The following EP400 variants were observed in gnomAD, a reference collection of about 807,000 sequenced individuals.
EP400 encodes the protein E1A-binding protein p400.
In EP400, 105 loss-of-function variants were observed where a neutral mutation model predicts 354.1. The ratio of observed to expected loss-of-function variants is 0.30; its 90% CI spans 0.25 to 0.35. The LOEUF (loss-of-function observed/expected upper bound fraction) is 0.35, where lower values mean the gene tolerates loss of function less well. Ranked by LOEUF, EP400 falls within the 10% of genes least tolerant of loss-of-function variation. EP400 has a pLI of 1.00. For synonymous variants in EP400, 1,646 were observed against 1,716.9 expected, an observed-to-expected ratio of 0.96 and a Z score of 1.02; for missense variants, 3,280 against 4,121.0, an observed-to-expected ratio of 0.80 and a Z score of 5.59.
chr12:131,959,906 G>A (rs1288565460), intron 1 of EP400, among the ~76,000 whole-genome samples: 1 of 152,222 alleles, frequency 6.6e-6, no homozygotes, highest in African/African-American at 2.4e-5. Context: ...ACACACAAAT[G>A]GGGCTCTGTG....
Position 132,077,899 on chromosome 12 carries a change from G to T in EP400, c.*226G>T. Reference sequence around the variant, plus strand: ...GTACTACGTGGCTCATGGAAAAAGTGACAACATGGCTTCCTCTAAATCATT... The same window carrying T: ...GTACTACGTGGCTCATGGAAAAAGTTACAACATGGCTTCCTCTAAATCATT... On this transcript the variant is annotated 3_prime_UTR_variant, in exon 53 of 53. Transcript: ENST00000389561. The T allele has an allele frequency of 3.4e-6, 2 of 587,596 alleles. No individual in the cohort carries two copies. The highest frequency in any genetic ancestry group is 4.5e-4 in the Middle Eastern group (1 of 2,200). The allele number at this position is 587,596 out of a possible 1,614,324, so 36.4% of individuals were successfully genotyped here.
chr12:132,038,023 A>G lies in EP400; in HGVS notation c.6134A>G (p.Glu2045Gly). The G allele has an allele frequency of 1.2e-6, 2 of 1,614,202 alleles. No homozygotes were observed. The highest frequency in any genetic ancestry group is 1.7e-6 in the Non-Finnish European group (2 of 1,180,030). The change falls in exon 32 of 53, where the codon GAG becomes GGG. Residue 2045 changes from glutamate to glycine, a missense_variant. Glu to Gly is a moderately conservative substitution (Grantham distance 98). Coordinates refer to ENST00000389561, the MANE Select transcript of EP400 (RefSeq NM_015409.5). The surrounding 1 kb of genome is among the most constrained non-coding windows in gnomAD (Gnocchi z 4.2). Reference sequence around the variant, plus strand: ...GCTGGCTTCCCGGTCAAAGCTGAGGAGTTTGTGGTGCTTTCTCAGGAACCT... The same window carrying G: ...GCTGGCTTCCCGGTCAAAGCTGAGGGGTTTGTGGTGCTTTCTCAGGAACCT... ...DDAGFPVKAE[E>G]FVVLSQEPSV... is the part of the protein sequence containing the mutation.
chr12:131,950,155 G>C (rs940559898), intron 1 of EP400, 119 bp downstream of exon 1: 2 of 151,872 alleles, frequency 1.3e-5, no homozygotes, highest in Non-Finnish European at 1.5e-5. Flanking sequence ...GGCCGGCCTC[G>C]GGCGTCGCGT....
chr12:132,007,145 G>A (rs111663222), intron 15 of EP400, among the ~76,000 whole-genome samples: 1 of 152,352 alleles, frequency 6.6e-6, no homozygotes, highest in African/African-American at 2.4e-5. Context: ...CCAGGGTCAG[G>A]TCACTGTGCA....
chr12:131,981,654 C>A, intron 4 of EP400, 58 bp downstream of exon 4: 2 of 1,437,018 alleles, frequency 1.4e-6, no homozygotes, highest in South Asian at 1.2e-5. Context: ...CACTGCGGTT[C>A]CAGAAACCAG....
chr12:132,070,321 T>C lies in EP400; in HGVS notation c.9021+680T>C, dbSNP rs188288726. On this transcript the variant is annotated intron_variant, in intron 51 of 52. Coordinates refer to ENST00000389561, the MANE Select transcript of EP400 (RefSeq NM_015409.5). This position sits in a 1 kb window ranked among gnomAD's most constrained non-coding sequence, Gnocchi z 4.1. ...ATAGAAACAGGAATTCAATTTGATGTGCTCTATGAATACCCTATTTTCAGC... is the reference window on the plus strand; with the variant it reads ...ATAGAAACAGGAATTCAATTTGATGCGCTCTATGAATACCCTATTTTCAGC... Among the ~76,000 whole-genome samples, 1 of 152,398 alleles carries C rather than the reference T, an allele frequency of 6.6e-6. No homozygotes were observed. Among genetic ancestry groups the C allele is most frequent in the African/African-American group, 2.4e-5 (1 of 41,598 alleles).
intron 1 of EP400, among the ~76,000 whole-genome samples, chr12:131,955,365 C>T (rs771466748): frequency 6.6e-6 from 1 of 152,074 alleles, no homozygotes; most frequent in Non-Finnish European, 1.5e-5. Flanking sequence ...TTACTGCAAC[C>T]TCCGCCTCCT....
intron 27 of EP400, 87 bp downstream of exon 27, chr12:132,028,375 T>G: frequency 6.6e-7 from 1 of 1,516,806 alleles, no homozygotes; most frequent in Non-Finnish European, 9.0e-7. Context: ...ATGTACATCT[T>G]ACTCCCATCG....
In EP400 at chr12:132,035,988, G is replaced by A. The variant is rs1395848303; in HGVS notation, c.5952-1694G>A. Among the ~76,000 whole-genome samples the A allele has an allele frequency of 7.3e-3, 909 of 123,708 alleles. No individual in the cohort carries two copies. In the Middle Eastern group the frequency reaches 0.13, roughly 17 times the overall value. 81.2% of individuals were successfully genotyped at this position (123,708 alleles called of 152,430 possible). ...TGGAACGACACACCCAGGTTCACACGGAACGTCATGGAAGGGCACACCCAG... is the reference window on the plus strand; with the variant it reads ...TGGAACGACACACCCAGGTTCACACAGAACGTCATGGAAGGGCACACCCAG... On this transcript the variant is annotated intron_variant, in intron 30 of 52. Coordinates refer to ENST00000389561, the MANE Select transcript of EP400 (RefSeq NM_015409.5).
At chr12:132,012,742 T>G (rs1893806440) in intron 16 of EP400, among the ~76,000 whole-genome samples, 1 of 152,202 alleles carries the variant, frequency 6.6e-6, no homozygotes, top group Non-Finnish European at 1.5e-5. Flanking sequence ...TGCCATAATC[T>G]CAGTATTTTC....
rs1593341092 is a variant in EP400 at position 132,006,030 on chromosome 12, A to T, written c.2936-82A>T. ...TATTTAAAGTAGTTGGATTCTATAA[A>T]CTTTTTCCTGTTTTAAAAAAAGGTT... On this transcript the variant is annotated intron_variant, in intron 13 of 52. Coordinates refer to ENST00000389561, the MANE Select transcript of EP400 (RefSeq NM_015409.5). 6.5e-6 allele frequency: 9 copies of T among 1,378,850 alleles called. No individual in the cohort carries two copies. In the East Asian group the frequency reaches 2.2e-4, roughly 33 times the overall value. The allele number at this position is 1,378,850 out of a possible 1,614,324, so 85.4% of individuals were successfully genotyped here. A position where few individuals can be genotyped will look rare whatever the true frequency, so the allele number is the denominator to read the frequency against.
chr12:132,019,986 G>C (rs1894071582), intron 21 of EP400, 63 bp from the exon 22 acceptor site: 1 of 1,432,816 alleles, frequency 7.0e-7, no homozygotes, highest in Non-Finnish European at 9.2e-7. Flanking sequence ...GCTCCATGAG[G>C]TGGCCTGTCC....
chr12:131,978,291 A>G (rs1430098900), intron 2 of EP400, among the ~76,000 whole-genome samples: 7 of 152,164 alleles, frequency 4.6e-5, no homozygotes, highest in Non-Finnish European at 1.0e-4. Flanking sequence ...GTCCCCCACC[A>G]GACGGTGCAT....
At chr12:132,014,976 T>C (rs1593347653) in intron 19 of EP400, among the ~76,000 whole-genome samples, 3 of 152,300 alleles carry the variant, frequency 2.0e-5, no homozygotes, top group East Asian at 1.9e-4. Context: ...TCTCCTTCTC[T>C]GTGCCTCATC....
intron 16 of EP400, among the ~76,000 whole-genome samples, chr12:132,012,085 T>C (rs1205211510): frequency 6.6e-6 from 1 of 152,266 alleles, no homozygotes; most frequent in East Asian, 1.9e-4. Flanking sequence ...AAGATTTTTG[T>C]CTGCCCTATA....
chr12:132,010,717 G>A (rs923283612), intron 15 of EP400, among the ~76,000 whole-genome samples: 2 of 152,100 alleles, frequency 1.3e-5, no homozygotes, highest in East Asian at 1.9e-4. Context: ...CGAGGTAGGC[G>A]GGTCACCTGA....
rs1714760745 is a variant in EP400, at chr12:132,013,692, AT to A, written c.3786+30del. ...AGGTTGGGTTCTGCCATTTCAGTTA[AT>A]TAATTAAACATGCGTATGCCTTGTT... On this transcript the variant is annotated intron_variant, in intron 18 of 52. Transcript: ENST00000389561. The surrounding 1 kb of genome is among the most constrained non-coding windows in gnomAD (Gnocchi z 4.5). 1.2e-5 allele frequency: 19 copies of A among 1,604,526 alleles called. No homozygotes were observed. The highest frequency in any genetic ancestry group is 1.1e-5 in the Non-Finnish European group (13 of 1,173,988).
In EP400 at chr12:132,070,120, G is replaced by A. The variant is rs977845665; in HGVS notation, c.9021+479G>A. On this transcript the variant is annotated intron_variant, in intron 51 of 52. Coordinates refer to ENST00000389561, the MANE Select transcript of EP400 (RefSeq NM_015409.5). The surrounding 1 kb of genome is among the most constrained non-coding windows in gnomAD (Gnocchi z 4.1). ...CCTGCTTCCTCCCAGAGCTTATGGA[G>A]TTACCTCCCTGCATCCTTCTCTAAG... Among the ~76,000 whole-genome samples the A allele has an allele frequency of 3.3e-5, 5 of 152,136 alleles. No individual in the cohort carries two copies. Among genetic ancestry groups the A allele is most frequent in the Non-Finnish European group, 7.3e-5 (5 of 68,032 alleles).
Position 131,965,886 on chromosome 12 carries a change from T to G in EP400, c.1335+3932T>G, listed in dbSNP as rs185437298. Among the ~76,000 whole-genome samples, 5 of 152,324 alleles carry G rather than the reference T, an allele frequency of 3.3e-5. No individual in the cohort carries two copies. The East Asian group carries it at 9.6e-4, about 29-fold the overall frequency. Reference sequence around the variant, plus strand: ...CCCTTTAAAGAATATTTGGGTTGTTTCCAGTTTTCAGAATTTGGGAATAAA... The same window carrying G: ...CCCTTTAAAGAATATTTGGGTTGTTGCCAGTTTTCAGAATTTGGGAATAAA... On this transcript the variant is annotated intron_variant, in intron 2 of 52. Coordinates refer to ENST00000389561, the MANE Select transcript of EP400 (RefSeq NM_015409.5).
Sources: allele counts gnomAD v4.1 joint callset (sites outside exome capture counted in the v4.1 genomes callset), GRCh38; gene constraint gnomAD v4.1.1; non-coding constraint Gnocchi (gnomAD v3.1); transcripts MANE v1.5; gene names NCBI Gene and HGNC (gene_info 2026-07-23, HGNC 2026-07-21).